Variants in SLC1A7 observed in about 807,000 individuals in gnomAD.
SLC1A7 encodes solute carrier family 1 member 7.
SLC1A7 carries 40 observed loss-of-function variants against 47.7 expected under a neutral mutation model. The ratio of observed to expected loss-of-function variants is 0.84; its 90% CI spans 0.65 to 1.09. The LOEUF (loss-of-function observed/expected upper bound fraction) is 1.09, where lower values mean the gene tolerates loss of function less well. SLC1A7 is among the 50% of genes least tolerant of loss of function. The probability of loss-of-function intolerance (pLI) is 0.00; values close to 1 mark genes in which losing one functional copy is unlikely to be tolerated. For missense variants in SLC1A7, 746 were observed against 769.5 expected (o/e 0.97, Z 0.36); for synonymous variants, 323 against 325.6 (o/e 0.99, Z 0.09).
intron 3 of SLC1A7, chr1:53,108,402 AGG>A: frequency 1.7e-6 from 1 of 599,468 alleles, no homozygotes; most frequent in Non-Finnish European, 3.0e-6. Flanking sequence ...GGGCCTTGGC[AGG>A]GACAGCTAGT....
chr1:53,093,588 T>C, intron 5 of SLC1A7, 28 bp from the exon 6 acceptor site: 1 of 1,557,530 alleles, frequency 6.4e-7, no homozygotes, highest in Non-Finnish European at 8.7e-7. Context: ...AGTGCTGTGG[T>C]AAAGCAGGGA....
chr1:53,088,737 C>T (rs751064570), intron 10 of SLC1A7, 140 bp downstream of exon 10: 36 of 670,520 alleles, frequency 5.4e-5, no homozygotes, highest in East Asian at 2.2e-4. Context: ...CATTCTGTAA[C>T]GGATGAGGAG....
At chr1:53,089,451 T>C (rs536616594) in intron 9 of SLC1A7, among the ~76,000 whole-genome samples, 20 of 152,276 alleles carry the variant, frequency 1.3e-4, no homozygotes, top group African/African-American at 4.6e-4. Flanking sequence ...TTCTAATTTT[T>C]AGTAGAGATG....
At chr1:53,097,464 A>C (rs1352353011) in intron 5 of SLC1A7, among the ~76,000 whole-genome samples, 1 of 148,412 alleles carries the variant, frequency 6.7e-6, no homozygotes, top group African/African-American at 2.5e-5. Context: ...GTGCCTTGGC[A>C]CACTCAGAAC....
At chr1:53,098,414 TACACTC>T (rs1644526622) in intron 5 of SLC1A7, among the ~76,000 whole-genome samples, 1 of 145,190 alleles carries the variant, frequency 6.9e-6, no homozygotes, top group Non-Finnish European at 1.5e-5. Flanking sequence ...TCCACCTTGT[TACACTC>T]ACACCGCCTC....
intron 3 of SLC1A7, chr1:53,108,281 C>A: frequency 2.9e-6 from 1 of 348,340 alleles, no homozygotes; most frequent in Non-Finnish European, 5.2e-6. Context: ...TTTCAAGACT[C>A]AGTTTACACA....
At chr1:53,095,659 C>T (rs1324070520) in intron 5 of SLC1A7, among the ~76,000 whole-genome samples, 2 of 149,404 alleles carry the variant, frequency 1.3e-5, no homozygotes, top group African/African-American at 5.1e-5. Context: ...ACACAACCTG[C>T]CTAGGTACAC....
chr1:53,121,504 A>G (rs141828926), intron 2 of SLC1A7, among the ~76,000 whole-genome samples: 4 of 152,244 alleles, frequency 2.6e-5, no homozygotes, highest in African/African-American at 9.6e-5. Context: ...CAGCTTCAGG[A>G]CTCTGCTTTC....
At chr1:53,131,745 A>C (rs1644943742) in intron 2 of SLC1A7, among the ~76,000 whole-genome samples, 2 of 152,260 alleles carry the variant, frequency 1.3e-5, no homozygotes, top group Non-Finnish European at 2.9e-5. Flanking sequence ...AGGTGCTGAC[A>C]ACACAGAGTT....
intron 5 of SLC1A7, among the ~76,000 whole-genome samples, chr1:53,096,558 GTACACTCACACACT>G (rs1644493865): frequency 6.9e-6 from 1 of 144,174 alleles, no homozygotes; most frequent in African/African-American, 2.6e-5. Flanking sequence ...CCATGCCTCA[GTACACTCACACACT>G]CCACTTCGAT....
intron 3 of SLC1A7, among the ~76,000 whole-genome samples, chr1:53,112,934 C>T (rs184566923): frequency 2.0e-5 from 3 of 152,282 alleles, no homozygotes; most frequent in Admixed American, 2.0e-4. Flanking sequence ...GGAGCACCTG[C>T]TCCAGCTCAC....
intron 5 of SLC1A7, among the ~76,000 whole-genome samples, chr1:53,095,774 ACT>A (rs1395917846): frequency 7.0e-6 from 1 of 143,664 alleles, no homozygotes; most frequent in African/African-American, 2.7e-5. Flanking sequence ...ACCTTGTTAC[ACT>A]CACACACCCC....
rs1207910514 is a variant in SLC1A7, at chr1:53,089,595, G to T, written c.1361+205C>A. ...CTGGCCTTTACAGTTTTTGGACTGG[G>T]TTCCACATTTTCATTTTTGAACACT... On this transcript the variant is annotated intron_variant, in intron 9 of 10. Transcript: ENST00000371494. Among the ~76,000 whole-genome samples, 4 of 152,294 alleles carry T rather than the reference G, an allele frequency of 2.6e-5. No individual in the cohort carries two copies. The South Asian group carries it at 8.3e-4, about 32-fold the overall frequency.
intron 2 of SLC1A7, chr1:53,116,146 T>G (rs1470629570): frequency 6.6e-6 from 1 of 152,346 alleles, no homozygotes; most frequent in Non-Finnish European, 1.5e-5. Context: ...AGGCTGAGCG[T>G]GAACACCGGC....
At chr1:53,118,919 C>G (rs1054549819) in intron 2 of SLC1A7, among the ~76,000 whole-genome samples, 1 of 152,162 alleles carries the variant, frequency 6.6e-6, no homozygotes, top group Non-Finnish European at 1.5e-5. Context: ...ATCGCTTGAA[C>G]CTGGGAGGCA....
chr1:53,118,796 G>A (rs1442279549), intron 2 of SLC1A7, among the ~76,000 whole-genome samples: 1 of 152,108 alleles, frequency 6.6e-6, no homozygotes, highest in Non-Finnish European at 1.5e-5. Flanking sequence ...TCAGGAGTTC[G>A]AGACCAGCCT....
chr1:53,113,990 C>T (rs1644727741), intron 3 of SLC1A7, among the ~76,000 whole-genome samples: 1 of 152,140 alleles, frequency 6.6e-6, no homozygotes, highest in African/African-American at 2.4e-5. Flanking sequence ...ACCGGCAGCC[C>T]CAGCTTCCCC....
At chr1:53,121,763 C>T (rs1254082711) in intron 2 of SLC1A7, among the ~76,000 whole-genome samples, 2 of 152,140 alleles carry the variant, frequency 1.3e-5, no homozygotes, top group Non-Finnish European at 2.9e-5. Context: ...GAGGCTGAGC[C>T]GTGGCTGCAC....
At chr1:53,109,273 C>T (rs1644677456) in intron 3 of SLC1A7, among the ~76,000 whole-genome samples, 1 of 152,102 alleles carries the variant, frequency 6.6e-6, no homozygotes, top group South Asian at 2.1e-4. Context: ...AAGCTTCCTC[C>T]AATCCCTGAG....
Sources: gnomAD v4.1 joint callset for allele counts (sites outside exome capture counted in the v4.1 genomes callset) on GRCh38, gnomAD v4.1.1 for gene constraint, MANE v1.5 for transcripts, NCBI Gene and HGNC (gene_info 2026-07-23, HGNC 2026-07-21) for gene names.